The following NEBL variants were observed in gnomAD, a reference collection of about 807,000 sequenced individuals.
NEBL encodes the protein nebulette, also known as LIM and SH3 protein 2.
Under a neutral mutation model 140.2 loss-of-function variants are expected in NEBL, and 122 were observed. That is an observed-to-expected ratio of 0.87 (90% CI 0.75 to 1.01). NEBL has a LOEUF of 1.01. Ranked by LOEUF, NEBL falls within the 50% of genes least tolerant of loss-of-function variation. The pLI is 0.00. For synonymous variants in NEBL, 436 were observed against 398.9 expected, an observed-to-expected ratio of 1.09 and a Z score of -1.11; for missense variants, 1,365 against 1,231.3, an observed-to-expected ratio of 1.11 and a Z score of -1.62.
At chr10:20,821,586 T>C (rs1003685308) in intron 19 of NEBL, among the ~76,000 whole-genome samples, 6 of 152,230 alleles carry the variant, frequency 3.9e-5, no homozygotes, top group Non-Finnish European at 5.9e-5. Context: ...GAGATTGTTA[T>C]ATTTCTACCA....
Position 20,906,376 on chromosome 10 carries a change from C to G in NEBL, c.357+55296G>C, listed in dbSNP as rs142232529. Among the ~76,000 whole-genome samples the G allele has an allele frequency of 1.4e-3, 207 of 152,238 alleles. 2 individuals carry two copies. Among genetic ancestry groups the G allele is most frequent in the African/African-American group, 4.8e-3 (198 of 41,556 alleles). ...CTTTAAGCCAGGGAAAACAATACTA[C>G]TGATGCTCAGAAGTTTGGCACTTTT... On this transcript the variant is annotated intron_variant, in intron 4 of 6. Coordinates refer to the NEBL transcript ENST00000417816.
Position 20,809,892 on chromosome 10 carries a change from T to C in NEBL, c.2525A>G (p.Lys842Arg), listed in dbSNP as rs765412195. 1 of 1,611,576 alleles carries C rather than the reference T, an allele frequency of 6.2e-7. No individual in the cohort carries two copies. The highest frequency in any genetic ancestry group is 1.1e-5 in the South Asian group (1 of 90,994). The change falls in exon 25 of 28, where the codon AAA becomes AGA. Residue 842 changes from lysine to arginine, a missense_variant. Lys to Arg is a conservative substitution (Grantham distance 26). Around this residue, in one of 2 missense-constraint regions of NEBL, gnomAD observed 1,323 missense variants for 1,154.8 expected, o/e 1.15. Transcript: ENST00000377122. The part of the protein sequence containing the change: ...DRRPGIIVDL[K>R]VWRTDPGSIF... ...GGAGCCAGGATCTGTGCGCCAAACT[T>C]TGAGGTCTTTTGCCAAAAGGAAGAA...
At position 20,914,969 on chromosome 10, in the gene NEBL, A is replaced by ATTTTTTTTTTTTTTT. The variant is rs71390798; in HGVS notation, c.357+46702_357+46703insAAAAAAAAAAAAAAA. On this transcript the variant is annotated intron_variant, in intron 4 of 6. Transcript: ENST00000417816. Reference sequence around the variant, plus strand: ...TACCTCTGCCTCCCAAGTGGCTGGGATTTTTTTTTTTTTTGGAGAGATGGG... The same window carrying ATTTTTTTTTTTTTTT: ...TACCTCTGCCTCCCAAGTGGCTGGGATTTTTTTTTTTTTTTTTTTTTTTTTTTTTGGAGAGATGGG... 4.0e-3 allele frequency among the ~76,000 whole-genome samples: 445 copies of ATTTTTTTTTTTTTTT among 111,162 alleles called. 36 individuals carry two copies. The highest frequency in any genetic ancestry group is 0.013 in the African/African-American group (384 of 29,194). The allele number at this position is 111,162 out of a possible 152,430, so 72.9% of individuals were successfully genotyped here.
chr10:20,969,600 C>T (rs575921656), intron 3 of NEBL, among the ~76,000 whole-genome samples: 2 of 137,314 alleles, frequency 1.5e-5, no homozygotes, highest in Non-Finnish European at 3.0e-5. Context: ...GGTTGGAGTG[C>T]AGTGGCACAA....
At chr10:20,897,373 G>A, upstream of NEBL, 1 of 1,422,238 alleles carries the variant, frequency 7.0e-7, no homozygotes, top group South Asian at 1.7e-5. Flanking sequence ...AGTGGTGTGT[G>A]AGTGAACAGA....
intron 26 of NEBL, among the ~76,000 whole-genome samples, chr10:20,803,620 T>C (rs1461970087): frequency 6.6e-6 from 1 of 152,036 alleles, no homozygotes; most frequent in African/African-American, 2.4e-5. Flanking sequence ...TTTCAATTTC[T>C]AGGATAGAAT....
At chr10:20,845,420 G>T in intron 11 of NEBL, 52 bp from the exon 12 acceptor site, 1 of 1,152,314 alleles carries the variant, frequency 8.7e-7, no homozygotes. Flanking sequence ...AGTGACCATT[G>T]AAAAGAGATT....
At chr10:20,930,220 T>A (rs1487865420) in intron 4 of NEBL, among the ~76,000 whole-genome samples, 2 of 152,164 alleles carry the variant, frequency 1.3e-5, no homozygotes, top group Non-Finnish European at 2.9e-5. Flanking sequence ...GCCATTCCAC[T>A]CACTCATTTA....
intron 3 of NEBL, among the ~76,000 whole-genome samples, chr10:21,230,873 G>A (rs1842240341): frequency 1.3e-5 from 2 of 152,112 alleles, no homozygotes; most frequent in African/African-American, 4.8e-5. Flanking sequence ...CCAAAGTGTT[G>A]TGATTACAGG....
At chr10:21,093,161 T>TTTTTTTTTTTTTC (rs1837003951) in intron 2 of NEBL, among the ~76,000 whole-genome samples, 2 of 147,944 alleles carry the variant, frequency 1.4e-5, no homozygotes, top group Non-Finnish European at 3.0e-5. Flanking sequence ...TTTTTTTTTT[T>TTTTTTTTTTTTTC]TTTTCCATTT....
chr10:21,288,818 GTGTATATATATA>G lies in NEBL; in HGVS notation n.182+4000_182+4011del, dbSNP rs1295079076. Among the ~76,000 whole-genome samples the G allele has an allele frequency of 2.3e-3, 75 of 32,666 alleles. 6 individuals are homozygous for G. The East Asian group carries it at 0.054, about 23-fold the overall frequency. The allele number at this position is 32,666 out of a possible 152,430, so 21.4% of individuals were successfully genotyped here. A position where few individuals can be genotyped will look rare whatever the true frequency, so the allele number is the denominator to read the frequency against. ...CATCTGACAATATATACGTGTGTGT[GTGTATATATATA>G]TATATATATATATATATATAAAAAT... On this transcript the variant is annotated intron_variant and non_coding_transcript_variant, in intron 1 of 8. Transcript: ENST00000675702.
At chr10:21,243,522 G>T (rs1842471464) in intron 3 of NEBL, among the ~76,000 whole-genome samples, 1 of 151,914 alleles carries the variant, frequency 6.6e-6, no homozygotes, top group African/African-American at 2.4e-5. Context: ...GGCCAGGGTG[G>T]TCTCATACTC....
intron 2 of NEBL, among the ~76,000 whole-genome samples, chr10:21,124,460 A>G (rs1838721577): frequency 6.6e-6 from 1 of 152,202 alleles, no homozygotes; most frequent in Admixed American, 6.5e-5. Flanking sequence ...AAATGCTTAC[A>G]GAGTGGCAGT....
intron 2 of NEBL, chr10:21,113,004 A>G: frequency 3.8e-6 from 1 of 260,220 alleles, no homozygotes; most frequent in South Asian, 4.7e-5. Flanking sequence ...AAAAAGTAAA[A>G]CTTGCTGCCA....
rs187234619 is a variant in NEBL, at chr10:21,220,208, C to T, written n.348+27713G>A. Among the ~76,000 whole-genome samples, 327 of 152,166 alleles carry T rather than the reference C, an allele frequency of 2.1e-3. 1 individual carries two copies. Among genetic ancestry groups the T allele is most frequent in the African/African-American group, 7.1e-3 (295 of 41,528 alleles). ...GATTACAGGCATGAGCCACCATGCCCGGCGTGATTTTTGTATGTTGATTTT... is the reference window on the plus strand; with the variant it reads ...GATTACAGGCATGAGCCACCATGCCTGGCGTGATTTTTGTATGTTGATTTT... On this transcript the variant is annotated intron_variant and non_coding_transcript_variant, in intron 3 of 8. Coordinates refer to the NEBL transcript ENST00000675702.
chr10:20,941,399 A>T (rs1056337925), intron 4 of NEBL, among the ~76,000 whole-genome samples: 6 of 152,144 alleles, frequency 3.9e-5, no homozygotes, highest in African/African-American at 1.4e-4. Flanking sequence ...CATGCTAAAA[A>T]CTCTCAATCA....
At chr10:21,025,161 A>C (rs922274778) in intron 2 of NEBL, among the ~76,000 whole-genome samples, 1 of 152,230 alleles carries the variant, frequency 6.6e-6, no homozygotes, top group African/African-American at 2.4e-5. Flanking sequence ...AACAAAAAAA[A>C]AAGGAGGAAT....
At chr10:20,803,812 A>AAAATAT (rs1554773359) in intron 26 of NEBL, among the ~76,000 whole-genome samples, 5 of 143,562 alleles carry the variant, frequency 3.5e-5, no homozygotes, top group African/African-American at 7.6e-5. Context: ...CTGTACGAAA[A>AAAATAT]ATATATATAT....
chr10:21,061,356 T>C (rs1835289041), intron 2 of NEBL, among the ~76,000 whole-genome samples: 1 of 148,440 alleles, frequency 6.7e-6, no homozygotes, highest in Non-Finnish European at 1.5e-5. Flanking sequence ...TGTTACATAA[T>C]ATATGGGTCA....
Sources: allele counts gnomAD v4.1 joint callset (sites outside exome capture counted in the v4.1 genomes callset), GRCh38; gene constraint gnomAD v4.1.1; regional missense constraint gnomAD v4.1.1; transcripts MANE v1.5; gene names NCBI Gene and HGNC (gene_info 2026-07-23, HGNC 2026-07-21).